Variants in TAF3 observed in about 807,000 individuals in gnomAD.
TAF3 encodes the protein transcription initiation factor TFIID subunit 3.
In TAF3, 7 loss-of-function variants were observed where a neutral mutation model predicts 80.6. The ratio of observed to expected loss-of-function variants is 0.09; its 90% confidence interval spans 0.05 to 0.16. The LOEUF (loss-of-function observed/expected upper bound fraction) is 0.16. TAF3 is among the 10% of genes least tolerant of loss of function. The pLI is 1.00. For missense variants in TAF3, 921 were observed against 1,140.2 expected (o/e 0.81, Z 2.77); for synonymous variants, 444 against 446.1 (o/e 1.00, Z 0.06).
chr10:7,910,627 C>T (rs1837648586), intron 2 of TAF3, among the ~76,000 whole-genome samples: 1 of 152,150 alleles, frequency 6.6e-6, no homozygotes, highest in Admixed American at 6.5e-5. Flanking sequence ...ATGATCCACC[C>T]ACCTCGGCCT....
chr10:7,828,107 C>T (rs1245125572), intron 2 of TAF3, among the ~76,000 whole-genome samples: 1 of 152,136 alleles, frequency 6.6e-6, no homozygotes, highest in Non-Finnish European at 1.5e-5. Flanking sequence ...CAGTGGCACA[C>T]CCATAGTCCT....
At chr10:7,859,120 G>C (rs776991123) in intron 2 of TAF3, among the ~76,000 whole-genome samples, 37 of 151,954 alleles carry the variant, frequency 2.4e-4, no homozygotes, top group Non-Finnish European at 5.3e-4. Flanking sequence ...AAATTAGCTG[G>C]GCGTGTGGTG....
At chr10:7,987,934 A>G (rs888737406) in intron 4 of TAF3, among the ~76,000 whole-genome samples, 1 of 152,146 alleles carries the variant, frequency 6.6e-6, no homozygotes, top group East Asian at 1.9e-4. Flanking sequence ...GTTTTTCTTC[A>G]TTAAGTGCAC....
At chr10:7,865,283 C>T (rs1051517992) in intron 2 of TAF3, among the ~76,000 whole-genome samples, 3 of 152,100 alleles carry the variant, frequency 2.0e-5, no homozygotes, top group African/African-American at 7.2e-5. Flanking sequence ...CTGGCTTACA[C>T]AGTGAAACCC....
intron 4 of TAF3, among the ~76,000 whole-genome samples, chr10:7,984,389 TCTTA>T (rs1052261520): frequency 6.6e-5 from 10 of 152,186 alleles, no homozygotes; most frequent in East Asian, 1.9e-4. Flanking sequence ...AGCATTTCCA[TCTTA>T]CTTGTAAACA....
chr10:7,876,414 C>A (rs1031739919), intron 2 of TAF3, among the ~76,000 whole-genome samples: 65 of 152,116 alleles, frequency 4.3e-4, no homozygotes, highest in African/African-American at 1.5e-3. Flanking sequence ...TGAAATGGGC[C>A]ATAAGCAGGT....
In TAF3 at chr10:8,016,165, T is replaced by C. The variant is rs1390757831; in HGVS notation, c.*1414T>C. The stretch of plus-strand genomic sequence containing the variant: ...CAACTTTGGGATAAATACGGACTTT[T>C]ACTTGATTTTGAAATAATCCCAGTG... On this transcript the variant is annotated 3_prime_UTR_variant, in exon 7 of 7. Transcript: ENST00000344293. 1 of 152,220 alleles carries C rather than the reference T, an allele frequency of 6.6e-6. No individual in the cohort carries two copies. The highest frequency in any genetic ancestry group is 2.4e-5 in the African/African-American group (1 of 41,458). 9.4% of individuals were successfully genotyped at this position (152,220 alleles called of 1,614,324 possible).
intron 2 of TAF3, among the ~76,000 whole-genome samples, chr10:7,924,449 G>C (rs113032936): frequency 2.7e-4 from 41 of 152,260 alleles, no homozygotes; most frequent in African/African-American, 9.6e-4. Flanking sequence ...TTCCCTGTGA[G>C]CTTTGCTTGT....
intron 2 of TAF3, among the ~76,000 whole-genome samples, chr10:7,869,271 GTGTC>G (rs1837243608): frequency 6.6e-6 from 1 of 152,068 alleles, no homozygotes; most frequent in African/African-American, 2.4e-5. Context: ...CTGTGTGTGT[GTGTC>G]TGTGTGTGTG....
Position 7,855,718 on chromosome 10 carries a change from A to G in TAF3, c.409+31158A>G, listed in dbSNP as rs1272205697. 2.6e-5 allele frequency among the ~76,000 whole-genome samples: 4 copies of G among 152,186 alleles called. No individual in the cohort carries two copies. The East Asian group carries it at 5.8e-4, about 22-fold the overall frequency. On this transcript the variant is annotated intron_variant, in intron 2 of 6. Transcript: ENST00000344293. ...ACCAGACAAAGGAAGAAAACATCTGATATGAAAGGGAGCAAAACCAACTAA... is the reference window on the plus strand; with the variant it reads ...ACCAGACAAAGGAAGAAAACATCTGGTATGAAAGGGAGCAAAACCAACTAA...
In TAF3 at chr10:7,888,137, C is replaced by G. The variant is rs181569658; in HGVS notation, c.409+63577C>G. ...GCCTGCAAGCACACTCAGATCTCTC[C>G]CATATGAAACGTTTAAAGTTTTTCC... is the stretch of plus-strand genomic sequence containing the variant. On this transcript the variant is annotated intron_variant, in intron 2 of 6. Coordinates refer to ENST00000344293, the MANE Select transcript of TAF3 (RefSeq NM_031923.4). Among the ~76,000 whole-genome samples, 17 of 152,172 alleles carry G rather than the reference C, an allele frequency of 1.1e-4. No individual in the cohort carries two copies. The East Asian group carries it at 2.7e-3, about 24-fold the overall frequency.
intron 2 of TAF3, among the ~76,000 whole-genome samples, chr10:7,875,191 C>T (rs1161319663): frequency 6.6e-6 from 1 of 152,024 alleles, no homozygotes; most frequent in African/African-American, 2.4e-5. Context: ...CATAATTGTT[C>T]CTCCTCGATA....
chr10:7,952,882 CATTA>C (rs1173216074), intron 2 of TAF3, among the ~76,000 whole-genome samples: 1 of 152,168 alleles, frequency 6.6e-6, no homozygotes, highest in Non-Finnish European at 1.5e-5. Context: ...ATTTCTGTTA[CATTA>C]TAGACAGGAC....
intron 2 of TAF3, among the ~76,000 whole-genome samples, chr10:7,915,516 G>A (rs867425087): frequency 2.6e-5 from 4 of 150,956 alleles, no homozygotes; most frequent in African/African-American, 7.3e-5. Flanking sequence ...GGTGGTGCGC[G>A]CCCGTAGTCC....
intron 5 of TAF3, among the ~76,000 whole-genome samples, chr10:8,013,400 C>T (rs1336429969): frequency 6.6e-6 from 1 of 151,912 alleles, no homozygotes; most frequent in Non-Finnish European, 1.5e-5. Context: ...TAAGAATTTA[C>T]ATAGTTATAG....
chr10:8,004,694 T>A (rs2131437765), intron 4 of TAF3, among the ~76,000 whole-genome samples: 1 of 152,364 alleles, frequency 6.6e-6, no homozygotes, highest in South Asian at 2.1e-4. Context: ...TCCCTCTAGC[T>A]GCCTTTCAGA....
intron 2 of TAF3, among the ~76,000 whole-genome samples, chr10:7,837,944 AAAT>A (rs1242119514): frequency 3.3e-5 from 5 of 152,250 alleles, no homozygotes; most frequent in African/African-American, 9.6e-5. Flanking sequence ...TCAGTTGCTA[AAAT>A]AATGTTTGTG....
chr10:7,864,088 A>G (rs544793682), intron 2 of TAF3, among the ~76,000 whole-genome samples: 1 of 152,180 alleles, frequency 6.6e-6, no homozygotes, highest in African/African-American at 2.4e-5. Context: ...ACACATTATT[A>G]TTACCAGAGT....
intron 2 of TAF3, among the ~76,000 whole-genome samples, chr10:7,829,656 C>G (rs1836778995): frequency 6.6e-6 from 1 of 152,184 alleles, no homozygotes; most frequent in Non-Finnish European, 1.5e-5. Context: ...TCTATCCTGT[C>G]ATCATAATTT....
Sources: gnomAD v4.1 joint callset for allele counts (sites outside exome capture counted in the v4.1 genomes callset) on GRCh38, gnomAD v4.1.1 for gene constraint, MANE v1.5 for transcripts, NCBI Gene and HGNC (gene_info 2026-07-23, HGNC 2026-07-21) for gene names.